FGF2: variants seen among roughly 807,000 people sequenced by gnomAD.
The protein encoded by FGF2 is fibroblast growth factor 2.
In FGF2, 13 loss-of-function variants were observed where a neutral mutation model predicts 15.9. The observed-to-expected ratio is 0.82, with a 90% CI of 0.53 to 1.30. FGF2 has a LOEUF of 1.30. Ranked by LOEUF, FGF2 falls within the 50% of genes most tolerant of loss-of-function variation. The probability of loss-of-function intolerance (pLI) is 0.00; values close to 1 mark genes in which losing one functional copy is unlikely to be tolerated. For synonymous variants in FGF2, 90 were observed against 78.4 expected, an observed-to-expected ratio of 1.15 and a Z score of -0.78; for missense variants, 163 against 196.9, an observed-to-expected ratio of 0.83 and a Z score of 1.03.
At chr4:122,869,586 C>A (rs1204850172) in intron 1 of FGF2, among the ~76,000 whole-genome samples, 1 of 152,070 alleles carries the variant, frequency 6.6e-6, no homozygotes, top group Non-Finnish European at 1.5e-5. Context: ...GTATTTTATT[C>A]TCTTTGTAAC....
At chr4:122,833,799 A>G (rs543644203) in intron 1 of FGF2, among the ~76,000 whole-genome samples, 27 of 152,348 alleles carry the variant, frequency 1.8e-4, no homozygotes, top group Non-Finnish European at 3.2e-4. Flanking sequence ...TACTTGGTCA[A>G]TCTTTAAATG....
At chr4:122,856,917 T>G (rs1726353999) in intron 1 of FGF2, among the ~76,000 whole-genome samples, 1 of 152,202 alleles carries the variant, frequency 6.6e-6, no homozygotes, top group African/African-American at 2.4e-5. Flanking sequence ...GGGCAACTTA[T>G]TTTTAGAAAC....
At position 122,853,126 on chromosome 4, in the gene FGF2, C is replaced by T. The variant is rs45602032; in HGVS notation, c.179-23195C>T. Among the ~76,000 whole-genome samples the T allele has an allele frequency of 2.6e-5, 4 of 152,176 alleles. 1 individual carries two copies. The highest frequency in any genetic ancestry group is 2.6e-4 in the Admixed American group (4 of 15,272). On this transcript the variant is annotated intron_variant, in intron 1 of 2. Transcript: ENST00000644866. ...CAGCCTGGGCAACATGGCAAAATGC[C>T]ATCTCTACCAAAAATACAAAAATTA...
Position 122,893,211 on chromosome 4 carries a change from G to A in FGF2, c.*815G>A, listed in dbSNP as rs779588436. 2.6e-5 allele frequency: 42 copies of A among 1,606,350 alleles called. No individual in the cohort carries two copies. Among genetic ancestry groups the A allele is most frequent in the Admixed American group, 1.2e-4 (7 of 59,420 alleles). On this transcript the variant is annotated 3_prime_UTR_variant, in exon 3 of 3. Transcript: ENST00000644866. ...ATACCAGTCTCTTCAAAAACTTCTC[G>A]AACCGCTGTGTCTCCTACGTAAAAA...
chr4:122,840,206 T>C (rs1184891558), intron 1 of FGF2: 1 of 152,162 alleles, frequency 6.6e-6, no homozygotes, highest in East Asian at 1.9e-4. Context: ...TAGTATCCCA[T>C]AATAAAGGAT....
chr4:122,871,377 T>G (rs1308524315), intron 1 of FGF2, among the ~76,000 whole-genome samples: 1 of 152,130 alleles, frequency 6.6e-6, no homozygotes, highest in Non-Finnish European at 1.5e-5. Flanking sequence ...ATATCCTTGT[T>G]AATTTTCTGT....
intron 2 of FGF2, among the ~76,000 whole-genome samples, chr4:122,885,912 C>CTT (rs1441621848): frequency 8.9e-6 from 1 of 111,994 alleles, no homozygotes; most frequent in Non-Finnish European, 1.8e-5. Flanking sequence ...TTTTTTTTTT[C>CTT]CTTTTTTTTT....
chr4:122,871,194 T>C (rs1412456705), intron 1 of FGF2, among the ~76,000 whole-genome samples: 1 of 147,672 alleles, frequency 6.8e-6, no homozygotes, highest in East Asian at 1.9e-4. Context: ...GAGACTGTTA[T>C]GATTTCAGTT....
intron 2 of FGF2, among the ~76,000 whole-genome samples, chr4:122,880,803 C>T (rs570334163): frequency 2.6e-5 from 4 of 152,280 alleles, no homozygotes; most frequent in Admixed American, 6.5e-5. Context: ...TCTCACAGCT[C>T]CACTAGGTGG....
chr4:122,871,580 T>C (rs569260143), intron 1 of FGF2, among the ~76,000 whole-genome samples: 2 of 151,992 alleles, frequency 1.3e-5, no homozygotes, highest in Non-Finnish European at 2.9e-5. Context: ...AGACACCCTA[T>C]GCAGGAGCGA....
intron 1 of FGF2, among the ~76,000 whole-genome samples, chr4:122,848,566 C>T (rs1726163588): frequency 6.6e-6 from 1 of 152,140 alleles, no homozygotes; most frequent in Non-Finnish European, 1.5e-5. Flanking sequence ...AAAGCACCCC[C>T]TACTCTTCGC....
Position 122,827,967 on chromosome 4 carries a change from G to A in FGF2, c.178+615G>A, listed in dbSNP as rs1725682819. Among the ~76,000 whole-genome samples, 1 of 152,206 alleles carries A rather than the reference G, an allele frequency of 6.6e-6. No individual in the cohort carries two copies. Among genetic ancestry groups the A allele is most frequent in the Non-Finnish European group, 1.5e-5 (1 of 68,036 alleles). Reference sequence around the variant, plus strand: ...AATAAAGTGCCATAGCTTTGTTTCAGTAGTGAAAAGAAGTGCAAACACTTT... The same window carrying A: ...AATAAAGTGCCATAGCTTTGTTTCAATAGTGAAAAGAAGTGCAAACACTTT... On this transcript the variant is annotated intron_variant, in intron 1 of 2. Transcript: ENST00000644866. The surrounding 1 kb of genome is among the most constrained non-coding windows in gnomAD (Gnocchi z 4.2).
intron 2 of FGF2, among the ~76,000 whole-genome samples, chr4:122,878,944 GTT>G (rs1046882888): frequency 3.9e-5 from 6 of 152,202 alleles, no homozygotes; most frequent in Non-Finnish European, 8.8e-5. Flanking sequence ...TTTAGTTTGA[GTT>G]GCCTAAGGGA....
intron 1 of FGF2, among the ~76,000 whole-genome samples, chr4:122,863,093 A>G (rs1020399839): frequency 1.3e-5 from 2 of 152,236 alleles, no homozygotes; most frequent in East Asian, 1.9e-4. Context: ...AATTATTCCT[A>G]TGTGAACATT....
At chr4:122,868,345 C>G (rs1197149701) in intron 1 of FGF2, among the ~76,000 whole-genome samples, 2 of 152,088 alleles carry the variant, frequency 1.3e-5, no homozygotes, top group Non-Finnish European at 2.9e-5. Flanking sequence ...TGTTCAACTC[C>G]CACTTACGAG....
Position 122,857,008 on chromosome 4 carries a change from G to A in FGF2, c.179-19313G>A, listed in dbSNP as rs147772781. ...GATGCGTTTTGTAGGTGGAAGCCAGGTATTTATAGATGCATGTCGTCAGTG... is the reference window on the plus strand; with the variant it reads ...GATGCGTTTTGTAGGTGGAAGCCAGATATTTATAGATGCATGTCGTCAGTG... On this transcript the variant is annotated intron_variant, in intron 1 of 2. Coordinates refer to ENST00000644866, the MANE Select transcript of FGF2 (RefSeq NM_001361665.2). Among the ~76,000 whole-genome samples, 46 of 152,314 alleles carry A rather than the reference G, an allele frequency of 3.0e-4. No homozygotes were observed. The East Asian group carries it at 6.9e-3, about 23-fold the overall frequency.
rs1727281284 is a variant in FGF2 at position 122,894,246 on chromosome 4, A to G, written c.*1850A>G. The G allele has an allele frequency of 6.6e-6, 1 of 152,218 alleles. No homozygotes were observed. Among genetic ancestry groups the G allele is most frequent in the South Asian group, 2.1e-4 (1 of 4,830 alleles). The allele number at this position is 152,218 out of a possible 1,614,324, so 9.4% of individuals were successfully genotyped here. Reference sequence around the variant, plus strand: ...CAATTACATGCTGACTTCCCTTACAATTGAGATTTGCCCATAGGTTAAACA... The same window carrying G: ...CAATTACATGCTGACTTCCCTTACAGTTGAGATTTGCCCATAGGTTAAACA... On this transcript the variant is annotated 3_prime_UTR_variant, in exon 3 of 3. Coordinates refer to ENST00000644866, the MANE Select transcript of FGF2 (RefSeq NM_001361665.2).
At chr4:122,826,712 C>T (rs1463548390), upstream of FGF2, 1 of 1,254,980 alleles carries the variant, frequency 8.0e-7, no homozygotes, top group Non-Finnish European at 1.0e-6. Flanking sequence ...AGAGGCCGGC[C>T]CCAGAAAACC....
chr4:122,848,312 G>T (rs962748343), intron 1 of FGF2, among the ~76,000 whole-genome samples: 1 of 152,172 alleles, frequency 6.6e-6, no homozygotes, highest in Non-Finnish European at 1.5e-5. Flanking sequence ...GGTTTCTCTT[G>T]TCTTTCCCCT....
Sources: allele counts gnomAD v4.1 joint callset (sites outside exome capture counted in the v4.1 genomes callset), GRCh38; gene constraint gnomAD v4.1.1; non-coding constraint Gnocchi (gnomAD v3.1); transcripts MANE v1.5; gene names NCBI Gene and HGNC (gene_info 2026-07-23, HGNC 2026-07-21).